DOCK2: variants seen among roughly 807,000 people sequenced by gnomAD.
DOCK2 encodes the protein dedicator of cytokinesis protein 2.
A neutral mutation model predicts 248.9 loss-of-function variants in DOCK2; 87 were observed. That is an observed-to-expected ratio of 0.35 (90% CI 0.29 to 0.42). The LOEUF is 0.42. Among genes scored for constraint, DOCK2 ranks in the 10% least tolerant of loss-of-function variants. DOCK2 has a pLI of 1.00. For missense variants in DOCK2, 1,747 were observed against 2,300.2 expected (o/e 0.76, Z 4.92); for synonymous variants, 805 against 821.6 (o/e 0.98, Z 0.35).
chr5:169,676,417 C>T (rs190664613), intron 6 of DOCK2, among the ~76,000 whole-genome samples: 1 of 152,224 alleles, frequency 6.6e-6, no homozygotes, highest in African/African-American at 2.4e-5. Flanking sequence ...AGCCCCTCCT[C>T]TGCAGCATCC....
At chr5:169,894,516 CT>C (rs1262950141) in intron 27 of DOCK2, among the ~76,000 whole-genome samples, 2 of 152,212 alleles carry the variant, frequency 1.3e-5, no homozygotes, top group Admixed American at 6.5e-5. Context: ...GGTTTTCCCA[CT>C]TCTGGATCCC....
At chr5:169,649,916 G>C (rs905204259) in intron 1 of DOCK2, among the ~76,000 whole-genome samples, 10 of 151,624 alleles carry the variant, frequency 6.6e-5, no homozygotes, top group Non-Finnish European at 1.5e-4. Context: ...CAATTCTCCT[G>C]CCTCAGTCCC....
At chr5:169,978,344 A>C in intron 27 of DOCK2, among the ~76,000 whole-genome samples, 1 of 115,114 alleles carries the variant, frequency 8.7e-6, no homozygotes, top group South Asian at 3.1e-4. Context: ...CCCTCAGTTC[A>C]CATGGCACTG....
Position 170,069,167 on chromosome 5 carries a change from C to A in DOCK2, c.4675C>A (p.His1559Asn), listed in dbSNP as rs199737175. 3 of 1,613,966 alleles carry A rather than the reference C, an allele frequency of 1.9e-6. No individual in the cohort carries two copies. Among genetic ancestry groups the A allele is most frequent in the Middle Eastern group, 1.6e-4 (1 of 6,084 alleles). ...CTTCACTGAAGAGTATGTCAGGGAC[C>A]ACCCTGAGGACCAGGACAAGCTGAC... is the stretch of plus-strand genomic sequence containing the variant. ...AFFTEEYVRD[H>N]PEDQDKLTHL... Residue 1559 changes from histidine to asparagine, a missense_variant, in exon 46 of 52, where the codon CAC becomes AAC. By Grantham distance (68) the His-to-Asn change is moderately conservative. Transcript: ENST00000520908.
chr5:169,887,265 T>C (rs761883673), intron 27 of DOCK2, among the ~76,000 whole-genome samples: 59 of 152,230 alleles, frequency 3.9e-4, no homozygotes, highest in Non-Finnish European at 2.1e-4. Context: ...TTATGTATCC[T>C]TTAGATGTTT....
chr5:169,688,359 C>G (rs1760102704), intron 8 of DOCK2, among the ~76,000 whole-genome samples: 1 of 152,232 alleles, frequency 6.6e-6, no homozygotes, highest in African/African-American at 2.4e-5. Flanking sequence ...ATTTCCTCAG[C>G]AAAGACTTCC....
chr5:169,822,686 C>T (rs934891796), intron 26 of DOCK2, among the ~76,000 whole-genome samples: 7 of 152,060 alleles, frequency 4.6e-5, no homozygotes, highest in African/African-American at 1.7e-4. Context: ...AAAATTGACA[C>T]CCTAACATCA....
In DOCK2 at chr5:169,681,113, C is replaced by CTT. The variant is rs764614478; in HGVS notation, c.471-606_471-605dup. Among the ~76,000 whole-genome samples, 94 of 94,232 alleles carry CTT rather than the reference C, an allele frequency of 1.0e-3. 7 individuals carry two copies. Among genetic ancestry groups the CTT allele is most frequent in the African/African-American group, 2.3e-3 (58 of 25,736 alleles). 61.8% of individuals were successfully genotyped at this position (94,232 alleles called of 152,430 possible). A position where few individuals can be genotyped will look rare whatever the true frequency, so the allele number is the denominator to read the frequency against. ...TTTAGCCATTTCTCTTTTAGTAGAC[C>CTT]TTTTTTTTTTTTTTTTTTTTTTTTT... On this transcript the variant is annotated intron_variant, in intron 6 of 51. Coordinates refer to ENST00000520908, the MANE Select transcript of DOCK2 (RefSeq NM_004946.3).
In DOCK2 at chr5:170,056,515, G is replaced by T. The variant is rs111680873; in HGVS notation, c.4296-169G>T. 61 of 551,066 alleles carry T rather than the reference G, an allele frequency of 1.1e-4. 1 individual carries two copies. The highest frequency in any genetic ancestry group is 1.0e-3 in the African/African-American group (55 of 52,418). 34.1% of individuals were successfully genotyped at this position (551,066 alleles called of 1,614,324 possible). A position where few individuals can be genotyped will look rare whatever the true frequency, so the allele number is the denominator to read the frequency against. On this transcript the variant is annotated intron_variant, in intron 42 of 51. Transcript: ENST00000520908. ...CCTTGTCAGGAAAGCCTGTGCAAAA[G>T]TCACTCTTACGGAGCCCAGAACACA...
chr5:169,828,722 A>G (rs891473627), intron 26 of DOCK2, among the ~76,000 whole-genome samples: 3 of 152,232 alleles, frequency 2.0e-5, no homozygotes, highest in Non-Finnish European at 4.4e-5. Context: ...ATCTGTGCCC[A>G]GAAGCGTCCA....
chr5:169,642,834 G>T (rs1757222656), intron 1 of DOCK2, among the ~76,000 whole-genome samples: 1 of 152,156 alleles, frequency 6.6e-6, no homozygotes, highest in Non-Finnish European at 1.5e-5. Context: ...AAGACAGATT[G>T]TGTTTTCTAA....
intron 27 of DOCK2, among the ~76,000 whole-genome samples, chr5:169,938,225 C>CTT (rs573891252): frequency 3.2e-4 from 46 of 143,358 alleles, no homozygotes; most frequent in African/African-American, 1.0e-3. Context: ...TTTCTTTCTT[C>CTT]TTTTTTTTTT....
chr5:170,051,383 G>A (rs553649036), intron 41 of DOCK2, among the ~76,000 whole-genome samples: 1 of 152,078 alleles, frequency 6.6e-6, no homozygotes, highest in African/African-American at 2.4e-5. Context: ...CTGTTCCTGT[G>A]ATATGCCCAG....
chr5:169,978,375 A>ATGTG (rs70979152), intron 27 of DOCK2, among the ~76,000 whole-genome samples: 476 of 25,760 alleles, frequency 0.018, 89 homozygotes, highest in African/African-American at 0.058. Flanking sequence ...GGCTCTGTGT[A>ATGTG]TGTGTGTGTG....
chr5:169,768,783 T>C (rs1581163242), intron 25 of DOCK2, among the ~76,000 whole-genome samples: 1 of 152,268 alleles, frequency 6.6e-6, no homozygotes. Context: ...AGCCTCATAG[T>C]GGGGCTGTCA....
intron 33 of DOCK2, among the ~76,000 whole-genome samples, chr5:170,019,416 C>T (rs1039746689): frequency 2.0e-5 from 3 of 152,176 alleles, no homozygotes; most frequent in African/African-American, 7.2e-5. Flanking sequence ...AGGGCCCACC[C>T]GTCCCACCTG....
At chr5:169,782,500 G>GA (rs1485210749) in intron 25 of DOCK2, among the ~76,000 whole-genome samples, 1 of 137,458 alleles carries the variant, frequency 7.3e-6, no homozygotes, top group African/African-American at 2.7e-5. Context: ...TTCCTCCTTA[G>GA]TTTTTTTTTT....
intron 27 of DOCK2, among the ~76,000 whole-genome samples, chr5:169,978,911 C>T (rs537331258): frequency 2.2e-4 from 34 of 152,242 alleles, no homozygotes; most frequent in African/African-American, 7.0e-4. Context: ...CCATCCCAAT[C>T]GGAGCGAGGT....
At chr5:169,895,377 C>A (rs1176706408) in intron 27 of DOCK2, among the ~76,000 whole-genome samples, 1 of 152,124 alleles carries the variant, frequency 6.6e-6, no homozygotes, top group Non-Finnish European at 1.5e-5. Flanking sequence ...TTCTCACTCT[C>A]CAGGATAGGA....
Sources: allele counts gnomAD v4.1 joint callset (sites outside exome capture counted in the v4.1 genomes callset), GRCh38; gene constraint gnomAD v4.1.1; transcripts MANE v1.5; gene names NCBI Gene and HGNC (gene_info 2026-07-23, HGNC 2026-07-21).